The following PCCA variants were observed in gnomAD, a reference collection of about 807,000 sequenced individuals.
PCCA encodes propionyl-CoA carboxylase subunit alpha.
A neutral mutation model predicts 101.3 loss-of-function variants in PCCA; 74 were observed. That is an observed-to-expected ratio of 0.73 (90% CI 0.61 to 0.89). The LOEUF is 0.89. PCCA is among the 40% of genes least tolerant of loss of function. The probability of loss-of-function intolerance (pLI) is 0.00; values close to 1 mark genes in which losing one functional copy is unlikely to be tolerated. For missense variants in PCCA, 891 were observed against 907.0 expected (o/e 0.98, Z 0.23); for synonymous variants, 294 against 313.6 (o/e 0.94, Z 0.66).
At chr13:100,095,229 C>T (rs1162552141) in intron 1 of PCCA, among the ~76,000 whole-genome samples, 2 of 152,148 alleles carry the variant, frequency 1.3e-5, no homozygotes, top group Non-Finnish European at 2.9e-5. Context: ...GATTTAGGGC[C>T]ATGACAAGAT....
chr13:100,279,216 A>G (rs1034302664), intron 12 of PCCA, among the ~76,000 whole-genome samples: 3 of 152,218 alleles, frequency 2.0e-5, no homozygotes, highest in Admixed American at 6.5e-5. Flanking sequence ...GATATTTAAC[A>G]TCATACTTTG....
At position 100,182,614 on chromosome 13, in the gene PCCA, G is replaced by A. The variant is rs1476432961; in HGVS notation, c.468+25274G>A. On this transcript the variant is annotated intron_variant, in intron 6 of 23. Transcript: ENST00000376285. ...GCAGAGAGTAGCCAGCAGTCAGTCA[G>A]TCTTCTCTCTGAGTTTATGCTCCAT... 2.0e-5 allele frequency among the ~76,000 whole-genome samples: 3 copies of A among 152,140 alleles called. No individual in the cohort carries two copies. The East Asian group carries it at 5.8e-4, about 29-fold the overall frequency.
At chr13:100,416,625 C>T (rs1166285188) in intron 19 of PCCA, among the ~76,000 whole-genome samples, 2 of 151,756 alleles carry the variant, frequency 1.3e-5, no homozygotes, top group Admixed American at 6.6e-5. Flanking sequence ...CTCCACCTGC[C>T]GGGTTCCAGT....
chr13:100,476,453 A>G (rs142156453), intron 21 of PCCA, among the ~76,000 whole-genome samples: 5 of 152,342 alleles, frequency 3.3e-5, no homozygotes, highest in African/African-American at 1.2e-4. Context: ...TTTAATTAGC[A>G]CTAATATTGT....
At chr13:100,453,128 G>T (rs1384464999) in intron 21 of PCCA, among the ~76,000 whole-genome samples, 2 of 152,054 alleles carry the variant, frequency 1.3e-5, no homozygotes, top group African/African-American at 4.8e-5. Context: ...AGGCTACAGC[G>T]AGCCGTGATC....
At chr13:100,457,305 C>G (rs938804491) in intron 21 of PCCA, among the ~76,000 whole-genome samples, 2 of 152,138 alleles carry the variant, frequency 1.3e-5, no homozygotes, top group Non-Finnish European at 2.9e-5. Flanking sequence ...GATAATCTTT[C>G]ACGCACACGT....
chr13:100,228,139 C>T (rs985038868), intron 7 of PCCA, among the ~76,000 whole-genome samples: 28 of 152,098 alleles, frequency 1.8e-4, no homozygotes, highest in Non-Finnish European at 2.6e-4. Context: ...CCTCAGCCCC[C>T]GGAGTAGCTG....
At chr13:100,436,307 T>A (rs1390880712) in intron 20 of PCCA, among the ~76,000 whole-genome samples, 1 of 152,216 alleles carries the variant, frequency 6.6e-6, no homozygotes, top group Non-Finnish European at 1.5e-5. Context: ...AGTTATACTC[T>A]TATGCAAATG....
At chr13:100,294,113 G>A (rs2065337827) in intron 12 of PCCA, among the ~76,000 whole-genome samples, 2 of 152,234 alleles carry the variant, frequency 1.3e-5, no homozygotes, top group South Asian at 2.1e-4. Context: ...GGCCTTTCTC[G>A]TTGCTTGTGG....
chr13:100,289,464 A>G (rs1168113507), intron 12 of PCCA, among the ~76,000 whole-genome samples: 1 of 152,088 alleles, frequency 6.6e-6, no homozygotes, highest in East Asian at 1.9e-4. Context: ...AAAATTTTCT[A>G]AGAACCTAAT....
chr13:100,294,689 T>G lies in PCCA; in HGVS notation c.1066-6771T>G, dbSNP rs575695875. Among the ~76,000 whole-genome samples the G allele has an allele frequency of 7.9e-5, 12 of 152,306 alleles. No homozygotes were observed. The East Asian group carries it at 2.3e-3, about 29-fold the overall frequency. ...TTCCAAGATGAGCTGGAAAACTAAA[T>G]TTTTAGTTTTTAGTGCTGTTGGACT... On this transcript the variant is annotated intron_variant, in intron 12 of 23. Transcript: ENST00000376285.
At chr13:100,257,139 T>C (rs1228140738) in intron 8 of PCCA, among the ~76,000 whole-genome samples, 1 of 152,220 alleles carries the variant, frequency 6.6e-6, no homozygotes, top group East Asian at 1.9e-4. Flanking sequence ...CTGTAGGGGT[T>C]GTCTGTGACT....
intron 6 of PCCA, among the ~76,000 whole-genome samples, chr13:100,202,657 G>C (rs34214400): frequency 0.15 from 22,714 of 147,858 alleles, 1,831 homozygotes; most frequent in Middle Eastern, 0.23. Context: ...TTTTTGCTTT[G>C]GTTCTCTTCA....
chr13:100,101,750 C>T (rs1450860497), intron 1 of PCCA, among the ~76,000 whole-genome samples: 1 of 152,048 alleles, frequency 6.6e-6, no homozygotes, highest in Non-Finnish European at 1.5e-5. Context: ...GTGTGTGCCA[C>T]CATGCCCCGC....
Position 100,261,349 on chromosome 13 carries a change from T to G in PCCA, c.717-1380T>G, listed in dbSNP as rs74691748. On this transcript the variant is annotated intron_variant, in intron 9 of 23. Transcript: ENST00000376285. ...TTACTTTTAGGCAAGCAAGTTTGGGTTTTTTTTTTAATTGTTTTTTCTTTT... is the reference window on the plus strand; with the variant it reads ...TTACTTTTAGGCAAGCAAGTTTGGGGTTTTTTTTTAATTGTTTTTTCTTTT... Among the ~76,000 whole-genome samples, 352 of 148,306 alleles carry G rather than the reference T, an allele frequency of 2.4e-3. 1 individual carries two copies. Among genetic ancestry groups the G allele is most frequent in the African/African-American group, 8.2e-3 (334 of 40,534 alleles).
chr13:100,484,127 A>C (rs949145544), intron 21 of PCCA, among the ~76,000 whole-genome samples: 5 of 152,162 alleles, frequency 3.3e-5, no homozygotes, highest in African/African-American at 1.2e-4. Flanking sequence ...GAACCTCACT[A>C]CAAGAAAACT....
chr13:100,378,183 A>G (rs1307759850), intron 19 of PCCA, among the ~76,000 whole-genome samples: 1 of 152,162 alleles, frequency 6.6e-6, no homozygotes, highest in Non-Finnish European at 1.5e-5. Context: ...TCCTTCATTA[A>G]TGAAGGATAT....
chr13:100,135,127 C>T (rs139509529), intron 4 of PCCA, among the ~76,000 whole-genome samples: 166 of 151,832 alleles, frequency 1.1e-3, no homozygotes, highest in African/African-American at 3.7e-3. Flanking sequence ...GGCGTGGTGG[C>T]TCGCATCTGT....
intron 15 of PCCA, among the ~76,000 whole-genome samples, chr13:100,307,814 A>G (rs545054375): frequency 1.8e-4 from 27 of 152,178 alleles, no homozygotes; most frequent in Admixed American, 3.3e-4. Context: ...AAACCGTATA[A>G]AGTGTAAAAT....
Sources: gnomAD v4.1 joint callset for allele counts (sites outside exome capture counted in the v4.1 genomes callset) on GRCh38, gnomAD v4.1.1 for gene constraint, MANE v1.5 for transcripts, NCBI Gene and HGNC (gene_info 2026-07-23, HGNC 2026-07-21) for gene names.